The following ADGRL3 variants were observed in gnomAD, a reference collection of about 807,000 sequenced individuals.
ADGRL3 encodes the protein adhesion G protein-coupled receptor L3.
In ADGRL3, 62 loss-of-function variants were observed where a neutral mutation model predicts 153.5. That is an observed-to-expected ratio of 0.40 (90% confidence interval 0.33 to 0.50). The LOEUF is 0.50. Ranked by LOEUF, ADGRL3 falls within the 20% of genes least tolerant of loss-of-function variation. The pLI, the probability that ADGRL3 is intolerant of heterozygous loss-of-function variation, is 0.47. For synonymous variants in ADGRL3, 710 were observed against 672.5 expected, an observed-to-expected ratio of 1.06 and a Z score of -0.86; for missense variants, 1,641 against 1,859.4, an observed-to-expected ratio of 0.88 and a Z score of 2.16.
chr4:61,418,694 C>A (rs2097170970), intron 2 of ADGRL3, among the ~76,000 whole-genome samples: 1 of 150,500 alleles, frequency 6.6e-6, no homozygotes, highest in African/African-American at 2.5e-5. Flanking sequence ...TCAGTAGGGC[C>A]AAATCTTTGT....
At chr4:61,774,133 T>G (rs1327337074) in intron 8 of ADGRL3, among the ~76,000 whole-genome samples, 2 of 151,946 alleles carry the variant, frequency 1.3e-5, no homozygotes. Context: ...GGCAGGAGGA[T>G]CACCTAAGGT....
At chr4:61,518,462 C>T (rs1039053174) in intron 4 of ADGRL3, among the ~76,000 whole-genome samples, 1 of 152,182 alleles carries the variant, frequency 6.6e-6, no homozygotes, top group African/African-American at 2.4e-5. Flanking sequence ...ATCTTCTAAG[C>T]CCCGTTGAAG....
chr4:61,772,413 A>G (rs562697656), intron 8 of ADGRL3, among the ~76,000 whole-genome samples: 6 of 152,326 alleles, frequency 3.9e-5, no homozygotes, highest in Admixed American at 3.3e-4. Flanking sequence ...TTTTCATTCT[A>G]TCCATCTACA....
At chr4:61,369,765 C>A (rs1349349242) in intron 1 of ADGRL3, among the ~76,000 whole-genome samples, 1 of 152,066 alleles carries the variant, frequency 6.6e-6, no homozygotes, top group East Asian at 1.9e-4. Context: ...GGGAGGATTC[C>A]CTCTTTTTCT....
Position 61,253,250 on chromosome 4 carries a change from A to G in ADGRL3, c.-240+51485A>G, listed in dbSNP as rs562446677. Among the ~76,000 whole-genome samples, 4 of 152,302 alleles carry G rather than the reference A, an allele frequency of 2.6e-5. No homozygotes were observed. In the East Asian group the frequency reaches 5.8e-4, roughly 22 times the overall value. Reference sequence around the variant, plus strand: ...CAGCAAAGTTATGTTAATGATTCTGACTCATGCACAAGATTTTCTTTTTTA... The same window carrying G: ...CAGCAAAGTTATGTTAATGATTCTGGCTCATGCACAAGATTTTCTTTTTTA... On this transcript the variant is annotated intron_variant, in intron 1 of 26. Transcript: ENST00000683033.
chr4:61,383,997 G>T (rs6857590), intron 2 of ADGRL3, among the ~76,000 whole-genome samples: 149,488 of 151,972 alleles, frequency 0.98, 73,577 homozygotes, highest in Middle Eastern at 1. Context: ...TTTCTTATTG[G>T]TCTTCATATT....
chr4:61,561,499 A>G (rs1049311144), intron 4 of ADGRL3, among the ~76,000 whole-genome samples: 1 of 152,176 alleles, frequency 6.6e-6, no homozygotes, highest in Non-Finnish European at 1.5e-5. Context: ...GGCTTTTTTA[A>G]AACAAATGAT....
At chr4:61,913,144 G>C (rs1390820248) in intron 13 of ADGRL3, among the ~76,000 whole-genome samples, 1 of 152,110 alleles carries the variant, frequency 6.6e-6, no homozygotes, top group Non-Finnish European at 1.5e-5. Context: ...AAGACAACAA[G>C]TAATCCAGGA....
At chr4:61,980,734 C>G (rs1254025016) in intron 18 of ADGRL3, among the ~76,000 whole-genome samples, 1 of 152,168 alleles carries the variant, frequency 6.6e-6, no homozygotes, top group South Asian at 2.1e-4. Context: ...AGGCACCATG[C>G]CTGGCCAAGG....
At chr4:61,808,792 CTT>C (rs79256517) in intron 8 of ADGRL3, among the ~76,000 whole-genome samples, 14 of 128,774 alleles carry the variant, frequency 1.1e-4, no homozygotes, top group Non-Finnish European at 1.3e-4. Context: ...AGAAATCGGG[CTT>C]TTTTTTTTTT....
chr4:61,329,975 G>A (rs1258706992), intron 1 of ADGRL3, among the ~76,000 whole-genome samples: 2 of 152,148 alleles, frequency 1.3e-5, no homozygotes, highest in South Asian at 2.1e-4. Context: ...CAATCACTTT[G>A]ACACATTCTC....
chr4:61,793,445 C>A (rs1158713494), intron 8 of ADGRL3, among the ~76,000 whole-genome samples: 2 of 151,906 alleles, frequency 1.3e-5, no homozygotes, highest in African/African-American at 4.8e-5. Flanking sequence ...AAACAAAAAT[C>A]AGATCTCATG....
chr4:61,212,364 C>A (rs1329700609), intron 1 of ADGRL3, among the ~76,000 whole-genome samples: 5 of 152,058 alleles, frequency 3.3e-5, no homozygotes, highest in African/African-American at 1.2e-4. Flanking sequence ...TTCAAGTAAA[C>A]CTTCTGTTTA....
chr4:61,844,420 A>G (rs1015258217), intron 9 of ADGRL3, among the ~76,000 whole-genome samples: 1 of 149,626 alleles, frequency 6.7e-6, no homozygotes, highest in East Asian at 2.0e-4. Flanking sequence ...GGTGGTGGAC[A>G]CCTGTAATCC....
chr4:61,776,154 C>T (rs181764765), intron 8 of ADGRL3, among the ~76,000 whole-genome samples: 98 of 152,292 alleles, frequency 6.4e-4, no homozygotes, highest in African/African-American at 2.2e-3. Flanking sequence ...CCCGCCTCGG[C>T]CTCCCAAAGT....
At chr4:61,203,448 A>G (rs1484300749) in intron 1 of ADGRL3, among the ~76,000 whole-genome samples, 1 of 152,226 alleles carries the variant, frequency 6.6e-6, no homozygotes, top group Non-Finnish European at 1.5e-5. Flanking sequence ...ATTAGGAAGT[A>G]TAAGGCTTCT....
intron 1 of ADGRL3, among the ~76,000 whole-genome samples, chr4:61,373,997 G>A (rs1191000155): frequency 6.6e-6 from 1 of 151,976 alleles, no homozygotes; most frequent in Non-Finnish European, 1.5e-5. Context: ...ACACATACAC[G>A]AATCCTTTGA....
chr4:61,718,925 A>G (rs781600911), intron 6 of ADGRL3, among the ~76,000 whole-genome samples: 2 of 152,244 alleles, frequency 1.3e-5, no homozygotes, highest in Non-Finnish European at 2.9e-5. Context: ...ACATTTCACT[A>G]AAACAAACAA....
In ADGRL3 at chr4:62,021,604, T is replaced by C. The variant is rs116001602; in HGVS notation, c.3396-7251T>C. On this transcript the variant is annotated intron_variant, in intron 21 of 26. Transcript: ENST00000683033. ...AAATTGTAAGTTTGTAGCAACTCTA[T>C]TTCAAGCAAGTCTATCAGTGCCATT... Among the ~76,000 whole-genome samples, 658 of 152,320 alleles carry C rather than the reference T, an allele frequency of 4.3e-3. 7 individuals carry two copies. The highest frequency in any genetic ancestry group is 0.015 in the African/African-American group (636 of 41,584).
Sources: allele counts gnomAD v4.1 joint callset (sites outside exome capture counted in the v4.1 genomes callset), GRCh38; gene constraint gnomAD v4.1.1; transcripts MANE v1.5; gene names NCBI Gene and HGNC (gene_info 2026-07-23, HGNC 2026-07-21).